The following PDE4D variants were observed in gnomAD, a reference collection of about 807,000 sequenced individuals.
The protein encoded by PDE4D is 3',5'-cyclic-AMP phosphodiesterase 4D.
A neutral mutation model predicts 87.4 loss-of-function variants in PDE4D; 24 were observed. The observed-to-expected ratio is 0.27, with a 90% CI of 0.20 to 0.39. PDE4D has a LOEUF of 0.39. PDE4D is among the 10% of genes least tolerant of loss of function. The pLI is 1.00. For missense variants in PDE4D, 714 were observed against 1,041.0 expected (o/e 0.69, Z 4.32); for synonymous variants, 384 against 383.2 (o/e 1.00, Z -0.02).
At chr5:60,402,499 C>T (rs1265147684) in intron 1 of PDE4D, among the ~76,000 whole-genome samples, 2 of 152,232 alleles carry the variant, frequency 1.3e-5, no homozygotes, top group East Asian at 1.9e-4. Context: ...CCTACAGCCA[C>T]GAAGAGCTGC....
intron 1 of PDE4D, among the ~76,000 whole-genome samples, chr5:60,361,376 T>C (rs1473882365): frequency 6.6e-6 from 1 of 152,196 alleles, no homozygotes; most frequent in Non-Finnish European, 1.5e-5. Flanking sequence ...TAATCAATCA[T>C]TGATGCAAAA....
At chr5:60,326,560 C>A (rs1435366819) in intron 1 of PDE4D, among the ~76,000 whole-genome samples, 1 of 152,026 alleles carries the variant, frequency 6.6e-6, no homozygotes, top group East Asian at 1.9e-4. Context: ...GATGAACAAC[C>A]AGTCGAGTGA....
chr5:60,400,644 CTG>C lies in PDE4D; in HGVS notation c.-90+87296_-90+87297del, dbSNP rs1467940366. On this transcript the variant is annotated intron_variant, in intron 1 of 16. Transcript: ENST00000502484. ...AATCCATTAATTTATAGAATTAAAA[CTG>C]AGGGGCTGGGTGCGATGGCTCACGC... Among the ~76,000 whole-genome samples, 4 of 150,468 alleles carry C rather than the reference CTG, an allele frequency of 2.7e-5. No individual in the cohort carries two copies. The East Asian group carries it at 7.9e-4, about 30-fold the overall frequency.
At chr5:60,023,092 C>A (rs1561990490) in intron 2 of PDE4D, among the ~76,000 whole-genome samples, 1 of 152,130 alleles carries the variant, frequency 6.6e-6, no homozygotes, top group Non-Finnish European at 1.5e-5. Context: ...TCCTGACACT[C>A]ACTTGTTTGT....
intron 1 of PDE4D, among the ~76,000 whole-genome samples, chr5:59,393,060 G>T (rs1176644676): frequency 6.6e-6 from 1 of 152,074 alleles, no homozygotes; most frequent in Non-Finnish European, 1.5e-5. Flanking sequence ...AAAAAGTAAT[G>T]ATGACTAAAA....
chr5:60,251,215 T>C (rs1393659685), intron 1 of PDE4D, among the ~76,000 whole-genome samples: 1 of 151,806 alleles, frequency 6.6e-6, no homozygotes, highest in Non-Finnish European at 1.5e-5. Context: ...AAAGAAATTT[T>C]CTTAACTTTT....
chr5:60,142,751 G>C (rs1780646171), intron 2 of PDE4D, among the ~76,000 whole-genome samples: 2 of 152,186 alleles, frequency 1.3e-5, no homozygotes, highest in Admixed American at 1.3e-4. Context: ...GGGTAGCAGA[G>C]AACCACTGAA....
At chr5:59,275,447 T>C (rs1358773428) in intron 1 of PDE4D, 1 of 1,588,238 alleles carries the variant, frequency 6.3e-7, no homozygotes, top group African/African-American at 1.3e-5. Flanking sequence ...ACTATTCTGA[T>C]TAATACATTC....
At chr5:59,391,479 A>C (rs1423847787) in intron 1 of PDE4D, among the ~76,000 whole-genome samples, 4 of 152,090 alleles carry the variant, frequency 2.6e-5, no homozygotes, top group Non-Finnish European at 5.9e-5. Context: ...TGGTAGTGAG[A>C]ACAACAATGA....
chr5:59,538,976 T>A (rs1815788540), intron 1 of PDE4D, among the ~76,000 whole-genome samples: 1 of 152,194 alleles, frequency 6.6e-6, no homozygotes, highest in African/African-American at 2.4e-5. Context: ...CTTTAGTGCC[T>A]CTTCCATGAA....
intron 1 of PDE4D, among the ~76,000 whole-genome samples, chr5:60,313,514 G>C (rs957612710): frequency 6.6e-6 from 1 of 152,104 alleles, no homozygotes; most frequent in Non-Finnish European, 1.5e-5. Flanking sequence ...ACAAAGAGCT[G>C]ACTGGTACAA....
chr5:59,363,072 T>A (rs1037890977), intron 1 of PDE4D, among the ~76,000 whole-genome samples: 11 of 152,152 alleles, frequency 7.2e-5, no homozygotes, highest in Admixed American at 5.2e-4. Context: ...GGGTTAACTT[T>A]TCTAATTCCT....
intron 1 of PDE4D, among the ~76,000 whole-genome samples, chr5:60,195,521 A>T (rs1176241556): frequency 6.6e-6 from 1 of 151,826 alleles, no homozygotes; most frequent in East Asian, 1.9e-4. Flanking sequence ...TAAAACCATC[A>T]TTCTATTCCC....
At chr5:60,093,484 G>A (rs1301827435) in intron 2 of PDE4D, among the ~76,000 whole-genome samples, 2 of 152,166 alleles carry the variant, frequency 1.3e-5, no homozygotes, top group African/African-American at 4.8e-5. Flanking sequence ...GGATGGAAAA[G>A]GCTACTTATT....
intron 1 of PDE4D, among the ~76,000 whole-genome samples, chr5:60,294,748 T>TA (rs1180970009): frequency 6.6e-6 from 1 of 152,108 alleles, no homozygotes; most frequent in African/African-American, 2.4e-5. Context: ...TCATAATCTT[T>TA]AATACAACTG....
At chr5:60,321,759 A>C (rs1756291857) in intron 1 of PDE4D, among the ~76,000 whole-genome samples, 1 of 152,232 alleles carries the variant, frequency 6.6e-6, no homozygotes, top group Non-Finnish European at 1.5e-5. Context: ...TTTCAGAAGA[A>C]GACATACACA....
At chr5:59,480,386 A>G (rs142979478) in intron 1 of PDE4D, among the ~76,000 whole-genome samples, 1 of 152,262 alleles carries the variant, frequency 6.6e-6, no homozygotes, top group African/African-American at 2.4e-5. Flanking sequence ...AATGAAGATA[A>G]TGTTCCCACG....
chr5:60,173,390 C>T (rs1255100342), intron 2 of PDE4D, among the ~76,000 whole-genome samples: 5 of 152,032 alleles, frequency 3.3e-5, no homozygotes, highest in African/African-American at 1.2e-4. Context: ...AAGCATTTTG[C>T]AATTCTAAAT....
intron 2 of PDE4D, among the ~76,000 whole-genome samples, chr5:60,043,942 T>A (rs1182354554): frequency 6.6e-6 from 1 of 152,174 alleles, no homozygotes. Context: ...CACGCTACCT[T>A]CTTCTTTCTT....
Sources: gnomAD v4.1 joint callset for allele counts (sites outside exome capture counted in the v4.1 genomes callset) on GRCh38, gnomAD v4.1.1 for gene constraint, MANE v1.5 for transcripts, NCBI Gene and HGNC (gene_info 2026-07-23, HGNC 2026-07-21) for gene names.